RBMS1: variants seen among roughly 807,000 people sequenced by gnomAD.
RBMS1 encodes the protein RNA binding motif single stranded interacting protein 1.
A neutral mutation model predicts 62.3 loss-of-function variants in RBMS1; 17 were observed. The ratio of observed to expected loss-of-function variants is 0.27; its 90% CI spans 0.19 to 0.41. The LOEUF is 0.41. Ranked by LOEUF, RBMS1 falls within the 10% of genes least tolerant of loss-of-function variation. The pLI is 1.00. For synonymous variants in RBMS1, 172 were observed against 170.0 expected, an observed-to-expected ratio of 1.01 and a Z score of -0.09; for missense variants, 334 against 504.5, an observed-to-expected ratio of 0.66 and a Z score of 3.24.
rs142022794 is a variant in RBMS1 at position 160,477,216 on chromosome 2, G to A, written c.75+16073C>T. Among the ~76,000 whole-genome samples, 17 of 152,276 alleles carry A rather than the reference G, an allele frequency of 1.1e-4. 1 individual carries two copies. The East Asian group carries it at 3.1e-3, about 28-fold the overall frequency. On this transcript the variant is annotated intron_variant, in intron 1 of 13. Transcript: ENST00000348849. ...CATGTATCTAGCAGGGCGTGGTGGC[G>A]CATGCCTGTGGTCTCAGCTACTTCG...
intron 1 of RBMS1, among the ~76,000 whole-genome samples, chr2:160,487,414 C>T (rs927853499): frequency 1.3e-5 from 2 of 152,146 alleles, no homozygotes; most frequent in Non-Finnish European, 2.9e-5. Flanking sequence ...TTCTGTCCTC[C>T]CTGGTAGCTT....
Position 160,493,275 on chromosome 2 carries a change from C to G in RBMS1, c.75+14G>C. On this transcript the variant is annotated intron_variant, in intron 1 of 13. Coordinates refer to ENST00000348849, the MANE Select transcript of RBMS1 (RefSeq NM_016836.4). ...CCCTCCTCCGGCCGTCACCTCTCCC[C>G]GGCGCCCCTTTACCTTGGCTTGCAG... 1 of 1,612,110 alleles carries G rather than the reference C, an allele frequency of 6.2e-7. No homozygotes were observed. Among genetic ancestry groups the G allele is most frequent in the Middle Eastern group, 1.7e-4 (1 of 6,052 alleles).
chr2:160,338,361 G>A (rs557088474), intron 2 of RBMS1, among the ~76,000 whole-genome samples: 1 of 152,252 alleles, frequency 6.6e-6, no homozygotes, highest in African/African-American at 2.4e-5. Context: ...TGATATAACT[G>A]AGAAAGTTGG....
rs2105925173 is a variant in RBMS1 at position 160,273,333 on chromosome 2, A to C, written c.*1439T>G. The C allele has an allele frequency of 6.6e-6, 1 of 152,328 alleles. No homozygotes were observed. Among genetic ancestry groups the C allele is most frequent in the Non-Finnish European group, 1.5e-5 (1 of 68,030 alleles). 9.4% of individuals were successfully genotyped at this position (152,328 alleles called of 1,614,324 possible). A position where few individuals can be genotyped will look rare whatever the true frequency, so the allele number is the denominator to read the frequency against. ...AATTAAAATTATAAAACCTAAATGCAAAGGTACAAAAAAGGCACATTCTCC... is the reference window on the plus strand; with the variant it reads ...AATTAAAATTATAAAACCTAAATGCCAAGGTACAAAAAAGGCACATTCTCC... On this transcript the variant is annotated 3_prime_UTR_variant, in exon 14 of 14. Transcript: ENST00000348849.
intron 6 of RBMS1, among the ~76,000 whole-genome samples, chr2:160,290,876 T>G (rs938223633): frequency 1.3e-5 from 2 of 152,198 alleles, no homozygotes; most frequent in Non-Finnish European, 2.9e-5. Context: ...AAGCTTGATT[T>G]TGTGGTACTG....
At chr2:160,404,570 G>A (rs1695595435) in intron 1 of RBMS1, among the ~76,000 whole-genome samples, 1 of 152,180 alleles carries the variant, frequency 6.6e-6, no homozygotes, top group Non-Finnish European at 1.5e-5. Context: ...AATACGAGAA[G>A]ATGTACATAG....
rs1050248664 is a variant in RBMS1, at chr2:160,316,799, A to G, written c.310+1370T>C. Among the ~76,000 whole-genome samples, 10 of 152,212 alleles carry G rather than the reference A, an allele frequency of 6.6e-5. No individual in the cohort carries two copies. In the South Asian group the frequency reaches 1.5e-3, roughly 22 times the overall value. On this transcript the variant is annotated intron_variant, in intron 3 of 13. Transcript: ENST00000348849. ...AAAGAGAGGAGGTAGGGTATGGATA[A>G]AACCACTTGTCTACTCTGATTTCTC...
Position 160,465,865 on chromosome 2 carries a change from T to TACAC in RBMS1, c.75+27420_75+27423dup, listed in dbSNP as rs72005445. 3.4e-3 allele frequency among the ~76,000 whole-genome samples: 496 copies of TACAC among 146,732 alleles called. 1 individual carries two copies. Among genetic ancestry groups the TACAC allele is most frequent in the Middle Eastern group, 0.033 (9 of 276 alleles). ...CACACCACACACACACACACACACA[T>TACAC]ACACACACACACACACACACACACT... On this transcript the variant is annotated intron_variant, in intron 1 of 13. Coordinates refer to ENST00000348849, the MANE Select transcript of RBMS1 (RefSeq NM_016836.4).
intron 11 of RBMS1, chr2:160,278,011 T>C (rs750242396): frequency 1.8e-5 from 3 of 166,394 alleles, no homozygotes; most frequent in Non-Finnish European, 3.9e-5. Context: ...CACTATAGAA[T>C]AGAGGCTAAA....
chr2:160,331,253 A>T (rs187652236), intron 2 of RBMS1, among the ~76,000 whole-genome samples: 1 of 152,164 alleles, frequency 6.6e-6, no homozygotes, highest in Non-Finnish European at 1.5e-5. Context: ...GTATATCGCT[A>T]TACAGGTCCC....
At chr2:160,440,852 A>T (rs750890746) in intron 1 of RBMS1, among the ~76,000 whole-genome samples, 1 of 152,260 alleles carries the variant, frequency 6.6e-6, no homozygotes, top group Non-Finnish European at 1.5e-5. Context: ...TAATCATTTT[A>T]GCAGGGGAAG....
intron 1 of RBMS1, among the ~76,000 whole-genome samples, chr2:160,390,874 A>T (rs1449621683): frequency 8.3e-6 from 1 of 120,828 alleles, no homozygotes; most frequent in Admixed American, 9.5e-5. Flanking sequence ...TTCTAACTGC[A>T]AGTTAAAAAC....
chr2:160,375,072 AT>A (rs561638900), intron 1 of RBMS1, among the ~76,000 whole-genome samples: 107 of 152,322 alleles, frequency 7.0e-4, no homozygotes, highest in Non-Finnish European at 1.2e-3. Context: ...GTTAGCCTGG[AT>A]GATTTCTAAG....
intron 4 of RBMS1, among the ~76,000 whole-genome samples, chr2:160,306,366 T>C (rs1268033333): frequency 6.6e-6 from 1 of 152,184 alleles, no homozygotes; most frequent in East Asian, 1.9e-4. Flanking sequence ...GAGGAAATAA[T>C]ATTTAAAAAT....
chr2:160,393,776 C>CA (rs576344303), intron 1 of RBMS1, among the ~76,000 whole-genome samples: 3,626 of 83,484 alleles, frequency 0.043, 59 homozygotes, highest in Admixed American at 0.086. Context: ...ACTCCATCTC[C>CA]AAAAAAAAAA....
intron 1 of RBMS1, among the ~76,000 whole-genome samples, chr2:160,472,991 A>G (rs1011895967): frequency 6.6e-6 from 1 of 152,214 alleles, no homozygotes; most frequent in Non-Finnish European, 1.5e-5. Flanking sequence ...TATGTTGTTT[A>G]ATTGTATATA....
At chr2:160,320,932 G>T (rs967901061) in intron 2 of RBMS1, among the ~76,000 whole-genome samples, 9 of 151,968 alleles carry the variant, frequency 5.9e-5, no homozygotes, top group African/African-American at 2.2e-4. Flanking sequence ...TTCCAAAAGC[G>T]GGGGGACGGT....
chr2:160,366,460 T>C (rs1383560986), intron 2 of RBMS1, among the ~76,000 whole-genome samples: 1 of 152,220 alleles, frequency 6.6e-6, no homozygotes. Context: ...TGTAGGCTTT[T>C]CTAGCTCGAT....
At chr2:160,303,840 G>A (rs1320262728) in intron 4 of RBMS1, among the ~76,000 whole-genome samples, 1 of 152,082 alleles carries the variant, frequency 6.6e-6, no homozygotes, top group Non-Finnish European at 1.5e-5. Context: ...ACACTATTGC[G>A]CAGGAAGCTA....
Sources: allele counts gnomAD v4.1 joint callset (sites outside exome capture counted in the v4.1 genomes callset), GRCh38; gene constraint gnomAD v4.1.1; transcripts MANE v1.5; gene names NCBI Gene and HGNC (gene_info 2026-07-23, HGNC 2026-07-21).